The following TAFA2 variants were observed in gnomAD, a reference collection of about 807,000 sequenced individuals.
TAFA2 encodes TAFA chemokine like family member 2.
Under a neutral mutation model 18.8 loss-of-function variants are expected in TAFA2, and 7 were observed. The ratio of observed to expected loss-of-function variants is 0.37; its 90% CI spans 0.21 to 0.70. The LOEUF (loss-of-function observed/expected upper bound fraction) is 0.70, where lower values mean the gene tolerates loss of function less well. Among genes scored for constraint, TAFA2 ranks in the 30% least tolerant of loss-of-function variants. The pLI, the probability that TAFA2 is intolerant of heterozygous loss-of-function variation, is 0.53. For synonymous variants in TAFA2, 60 were observed against 54.2 expected, an observed-to-expected ratio of 1.11 and a Z score of -0.47; for missense variants, 122 against 158.1, an observed-to-expected ratio of 0.77 and a Z score of 1.23.
At chr12:61,888,497 T>C (rs1008294964) in intron 1 of TAFA2, among the ~76,000 whole-genome samples, 4 of 152,054 alleles carry the variant, frequency 2.6e-5, no homozygotes, top group Non-Finnish European at 5.9e-5. Flanking sequence ...AAGGAAGCAA[T>C]CACAGCCACA....
chr12:61,892,290 G>A (rs898652588), intron 1 of TAFA2, among the ~76,000 whole-genome samples: 3 of 151,984 alleles, frequency 2.0e-5, no homozygotes, highest in Admixed American at 2.0e-4. Context: ...AATTGTCTTT[G>A]GAACATATTA....
At chr12:61,842,969 T>C (rs1284554494) in intron 2 of TAFA2, among the ~76,000 whole-genome samples, 2 of 151,976 alleles carry the variant, frequency 1.3e-5, no homozygotes, top group East Asian at 3.9e-4. Flanking sequence ...GGTGGGCATA[T>C]TCATGGAGAC....
rs144358538 is a variant in TAFA2 at position 61,991,664 on chromosome 12, T to C, written c.-1-124238A>G. Among the ~76,000 whole-genome samples, 305 of 152,318 alleles carry C rather than the reference T, an allele frequency of 2.0e-3. 1 individual carries two copies. Among genetic ancestry groups the C allele is most frequent in the African/African-American group, 6.8e-3 (282 of 41,564 alleles). On this transcript the variant is annotated intron_variant, in intron 1 of 4. Coordinates refer to ENST00000416284, the MANE Select transcript of TAFA2 (RefSeq NM_178539.5). ...TTTTAAAAAAACTTTTTTGATCTTA[T>C]TTTCTATTTTGTTCACTTTTACAGC...
intron 2 of TAFA2, among the ~76,000 whole-genome samples, chr12:61,859,569 G>C (rs557389442): frequency 2.0e-5 from 3 of 152,216 alleles, no homozygotes; most frequent in African/African-American, 7.2e-5. Flanking sequence ...TCAGCCTCCC[G>C]AGTAGCTGGG....
At chr12:62,193,017 T>C (rs77564676), upstream of TAFA2, among the ~76,000 whole-genome samples, 1 of 152,232 alleles carries the variant, frequency 6.6e-6, no homozygotes, top group Non-Finnish European at 1.5e-5. Context: ...TGCAGCCCTA[T>C]TAAGCAAAGC....
intron 1 of TAFA2, among the ~76,000 whole-genome samples, chr12:61,978,910 C>T (rs1343653108): frequency 6.6e-6 from 1 of 152,050 alleles, no homozygotes; most frequent in Non-Finnish European, 1.5e-5. Flanking sequence ...AGTAGGCATA[C>T]ATGGAGTGAT....
Position 61,926,388 on chromosome 12 carries a change from C to T in TAFA2, c.-1-58962G>A, listed in dbSNP as rs546679172. Among the ~76,000 whole-genome samples the T allele has an allele frequency of 2.0e-3, 306 of 152,226 alleles. 1 individual carries two copies. The highest frequency in any genetic ancestry group is 6.8e-3 in the African/African-American group (283 of 41,536). On this transcript the variant is annotated intron_variant, in intron 1 of 4. Coordinates refer to ENST00000416284, the MANE Select transcript of TAFA2 (RefSeq NM_178539.5). ...ATACCAAAACCTGGCAGAGACACAA[C>T]AAAATAAAGAAAATTTCAGGCCAAT...
intron 1 of TAFA2, among the ~76,000 whole-genome samples, chr12:62,014,287 A>C (rs1274583188): frequency 6.6e-6 from 1 of 152,184 alleles, no homozygotes; most frequent in East Asian, 1.9e-4. Flanking sequence ...TATTTTAACC[A>C]GTGTTGCTGC....
At chr12:61,955,596 A>T (rs1341799372) in intron 1 of TAFA2, among the ~76,000 whole-genome samples, 1 of 69,310 alleles carries the variant, frequency 1.4e-5, no homozygotes, top group African/African-American at 6.8e-5. Context: ...GCAAGACTCC[A>T]TCTCAAAAAA....
chr12:61,783,627 A>T (rs1870600436), intron 2 of TAFA2, among the ~76,000 whole-genome samples: 1 of 151,610 alleles, frequency 6.6e-6, no homozygotes, highest in Non-Finnish European at 1.5e-5. Context: ...TTACTTTATT[A>T]ATAGAAAAGC....
chr12:61,767,179 G>A (rs1404935323), intron 2 of TAFA2, among the ~76,000 whole-genome samples: 1 of 152,150 alleles, frequency 6.6e-6, no homozygotes, highest in Non-Finnish European at 1.5e-5. Context: ...GAGAAGCAAT[G>A]TGGCATTGGA....
At chr12:61,875,781 G>C (rs537112729) in intron 1 of TAFA2, among the ~76,000 whole-genome samples, 1 of 152,074 alleles carries the variant, frequency 6.6e-6, no homozygotes, top group South Asian at 2.1e-4. Flanking sequence ...TTCTCCTACC[G>C]TTTTAACACA....
intron 1 of TAFA2, among the ~76,000 whole-genome samples, chr12:61,877,920 T>TACACAC (rs1291038538): frequency 0.21 from 30,198 of 141,196 alleles, 3,131 homozygotes; most frequent in Middle Eastern, 0.27. Context: ...TATATATATA[T>TACACAC]ATATACACAC....
chr12:61,941,596 G>A (rs1181235399), intron 1 of TAFA2, among the ~76,000 whole-genome samples: 7 of 152,186 alleles, frequency 4.6e-5, no homozygotes, highest in African/African-American at 1.2e-4. Flanking sequence ...GTGGGTGCGT[G>A]CACCGTGCGT....
At chr12:61,737,748 A>T (rs1243431753) in intron 4 of TAFA2, among the ~76,000 whole-genome samples, 2 of 151,848 alleles carry the variant, frequency 1.3e-5, no homozygotes, top group Non-Finnish European at 2.9e-5. Context: ...TTTTTAAAAT[A>T]AATTTATTTG....
At chr12:61,873,074 T>G (rs184375389) in intron 1 of TAFA2, among the ~76,000 whole-genome samples, 1 of 152,266 alleles carries the variant, frequency 6.6e-6, no homozygotes, top group African/African-American at 2.4e-5. Flanking sequence ...CATCAAGAGA[T>G]GTAGAATGAA....
At chr12:61,734,524 A>G (rs1256905047) in intron 4 of TAFA2, among the ~76,000 whole-genome samples, 3 of 152,010 alleles carry the variant, frequency 2.0e-5, no homozygotes, top group African/African-American at 4.8e-5. Flanking sequence ...TAATAATAAA[A>G]TAAAAAAAAC....
intron 1 of TAFA2, among the ~76,000 whole-genome samples, chr12:62,246,436 T>A (rs1245465166): frequency 4.6e-5 from 7 of 152,364 alleles, no homozygotes; most frequent in Non-Finnish European, 7.3e-5. Context: ...TACTACTCAA[T>A]TTTTGTAAAT....
chr12:62,199,437 C>A (rs186194906), intron 1 of TAFA2, among the ~76,000 whole-genome samples: 1 of 150,538 alleles, frequency 6.6e-6, no homozygotes, highest in Non-Finnish European at 1.5e-5. Context: ...TCAGCTCCCA[C>A]TTATAAATGA....
Sources: allele counts gnomAD v4.1 joint callset (sites outside exome capture counted in the v4.1 genomes callset), GRCh38; gene constraint gnomAD v4.1.1; transcripts MANE v1.5; gene names NCBI Gene and HGNC (gene_info 2026-07-23, HGNC 2026-07-21).